Variants in MRE11 observed in about 807,000 individuals in gnomAD.
MRE11 encodes double-strand break repair protein MRE11.
MRE11 carries 62 observed loss-of-function variants against 91.7 expected under a neutral mutation model. That is an observed-to-expected ratio of 0.68 (90% CI 0.55 to 0.84). MRE11 has a LOEUF of 0.84. MRE11 is among the 40% of genes least tolerant of loss of function. MRE11 has a pLI of 0.00. For synonymous variants in MRE11, 273 were observed against 271.4 expected, an observed-to-expected ratio of 1.01 and a Z score of -0.06; for missense variants, 796 against 852.9, an observed-to-expected ratio of 0.93 and a Z score of 0.83.
chr11:94,466,449 G>T (rs1244548306), intron 10 of MRE11: 1 of 527,804 alleles, frequency 1.9e-6, no homozygotes. Flanking sequence ...ATTACCTACT[G>T]TGCAACAGAC....
rs1945053532 is a variant in MRE11, at chr11:94,417,317, AT to A, written c.*2807del. The A allele has an allele frequency of 4.6e-6, 1 of 216,624 alleles. No individual in the cohort carries two copies. Among genetic ancestry groups the A allele is most frequent in the Admixed American group, 5.8e-5 (1 of 17,164 alleles). 13.4% of individuals were successfully genotyped at this position (216,624 alleles called of 1,614,324 possible). A position where few individuals can be genotyped will look rare whatever the true frequency, so the allele number is the denominator to read the frequency against. On this transcript the variant is annotated 3_prime_UTR_variant, in exon 20 of 20. Transcript: ENST00000323929. The stretch of plus-strand genomic sequence containing the variant: ...TTACTCAGTTTTTTTCTAAGAATGG[AT>A]TTTCCTCTTTATGAAAACAAAATAT...
chr11:94,423,596 C>G (rs1945231523), intron 19 of MRE11, among the ~76,000 whole-genome samples: 1 of 152,238 alleles, frequency 6.6e-6, no homozygotes, highest in African/African-American at 2.4e-5. Flanking sequence ...AGGCCCTCCT[C>G]CCCTACAGCC....
At chr11:94,447,174 C>T (rs746383749) in intron 15 of MRE11, 45 bp downstream of exon 15, 1 of 1,566,864 alleles carries the variant, frequency 6.4e-7, no homozygotes, top group South Asian at 1.1e-5. Context: ...ATTTTCCACT[C>T]AACTGCCAAG....
chr11:94,498,205 G>A (rs2135162905), upstream of MRE11: 3 of 1,614,128 alleles, frequency 1.9e-6, no homozygotes, highest in Non-Finnish European at 2.5e-6. Context: ...TTGCACAGGG[G>A]GCCGATGTTC....
chr11:94,433,387 CCT>C (rs1157892233), intron 18 of MRE11, among the ~76,000 whole-genome samples: 3 of 152,140 alleles, frequency 2.0e-5, no homozygotes, highest in Non-Finnish European at 4.4e-5. Flanking sequence ...CATGATTTAC[CCT>C]GTGTCTCTTT....
Position 94,490,845 on chromosome 11 carries a change from G to A in MRE11, c.141C>T (p.Ala47=), listed in dbSNP as rs786203586. 3 of 1,613,544 alleles carry A rather than the reference G, an allele frequency of 1.9e-6. No homozygotes were observed. The highest frequency in any genetic ancestry group is 2.2e-5 in the East Asian group (1 of 44,790). Residue 47 remains alanine (A), a synonymous_variant, in exon 3 of 20, where the codon GCC becomes GCT. Transcript: ENST00000323929. The part of the protein sequence containing the change: ...FVTLDEILRL[A]QENEVDFILL... ...AAACCACACTCACTTCATTTTCCTG[G>A]GCAAGTCTTAAAATTTCATCGAGTG... is the stretch of plus-strand genomic sequence containing the variant.
chr11:94,479,171 A>G (rs1196372240), intron 5 of MRE11, among the ~76,000 whole-genome samples: 1 of 152,248 alleles, frequency 6.6e-6, no homozygotes, highest in Non-Finnish European at 1.5e-5. Flanking sequence ...GCTTTGTAAT[A>G]TTAAGCAACC....
At chr11:94,507,321 T>A in the MRE11 span, among the ~76,000 whole-genome samples, 2 of 152,248 alleles carry the variant, frequency 1.3e-5, no homozygotes, top group Admixed American at 6.5e-5. Flanking sequence ...TTTTTATTGA[T>A]GTATTCCGTT....
At chr11:94,505,750 A>T in the MRE11 span, among the ~76,000 whole-genome samples, 1 of 152,126 alleles carries the variant, frequency 6.6e-6, no homozygotes, top group Admixed American at 6.5e-5. Flanking sequence ...CCACTCACTC[A>T]CTGACTCACT....
At chr11:94,456,154 A>T (rs1222143261) in intron 14 of MRE11, 122 bp downstream of exon 14, 59 of 856,504 alleles carry the variant, frequency 6.9e-5, no homozygotes, top group Non-Finnish European at 1.9e-6. Context: ...AGCCATCCTA[A>T]GCCAACCCCA....
rs587782486 is a variant in MRE11 at position 94,485,991 on chromosome 11, A to G, written c.247T>C (p.Cys83Arg). Residue 83 changes from cysteine (C) to arginine (R), a missense_variant, in exon 4 of 20, where the codon TGT becomes CGT. By Grantham distance (180) the Cys-to-Arg change is radical. Coordinates refer to ENST00000323929, the MANE Select transcript of MRE11 (RefSeq NM_005591.4). ...HTCLELLRKYCMGDRPVQFEI... is the reference protein window; with the variant it reads ...HTCLELLRKYRMGDRPVQFEI... ...AACTGGACAGGCCGATCACCCATAC[A>G]ATATTTTCTTAATAACTCGAGGCAG... 1.2e-6 allele frequency: 2 copies of G among 1,613,924 alleles called. No individual in the cohort carries two copies. Among genetic ancestry groups the G allele is most frequent in the Non-Finnish European group, 8.5e-7 (1 of 1,179,960 alleles).
chr11:94,475,539 C>A, intron 7 of MRE11: 1 of 452,678 alleles, frequency 2.2e-6, no homozygotes, highest in Non-Finnish European at 4.4e-6. Context: ...ATCACTGTCA[C>A]CACCTCACAT....
rs758803920 is a variant in MRE11, at chr11:94,419,696, T to C, written c.*429A>G. The C allele has an allele frequency of 2.8e-4, 66 of 237,400 alleles. No homozygotes were observed. The highest frequency in any genetic ancestry group is 4.5e-4 in the Non-Finnish European group (54 of 120,970). 14.7% of individuals were successfully genotyped at this position (237,400 alleles called of 1,614,324 possible). Reference sequence around the variant, plus strand: ...TTATAAGAAGCATTGGAAAAAAACATACATAGTAACAAACAGTGAATTTAG... The same window carrying C: ...TTATAAGAAGCATTGGAAAAAAACACACATAGTAACAAACAGTGAATTTAG... On this transcript the variant is annotated 3_prime_UTR_variant, in exon 20 of 20. Coordinates refer to ENST00000323929, the MANE Select transcript of MRE11 (RefSeq NM_005591.4).
chr11:94,496,738 G>C (rs143188271), upstream of MRE11: 5 of 1,610,556 alleles, frequency 3.1e-6, no homozygotes, highest in African/African-American at 5.4e-5. Flanking sequence ...CAGACCAAGA[G>C]AATTCCTTGG....
At position 94,464,094 on chromosome 11, in the gene MRE11, A is replaced by G. The variant is rs641936; in HGVS notation, c.1225+19T>C. 568,491 of 1,608,042 alleles carry G rather than the reference A, an allele frequency of 0.35. 102,067 individuals are homozygous for G. The highest frequency in any genetic ancestry group is 0.44 in the Middle Eastern group (2,158 of 4,904). On this transcript the variant is annotated intron_variant, in intron 11 of 19. Transcript: ENST00000323929. ...TCCTATAAGAACATTTTTTTACCTC[A>G]TAAAAATAACTAGCTTACCTGTTTT...
chr11:94,430,757 C>T (rs1378224832), intron 18 of MRE11, among the ~76,000 whole-genome samples: 3 of 152,158 alleles, frequency 2.0e-5, no homozygotes, highest in East Asian at 1.9e-4. Context: ...CGTGAGCCAC[C>T]ACGCCCAGCC....
intron 14 of MRE11, among the ~76,000 whole-genome samples, chr11:94,451,595 A>T (rs1219118118): frequency 1.3e-5 from 2 of 152,174 alleles, no homozygotes; most frequent in Non-Finnish European, 2.9e-5. Flanking sequence ...TTATGGAAAG[A>T]CCAATATATC....
At chr11:94,448,423 A>C (rs963294093) in intron 14 of MRE11, among the ~76,000 whole-genome samples, 1 of 140,986 alleles carries the variant, frequency 7.1e-6, no homozygotes, top group Non-Finnish European at 1.5e-5. Flanking sequence ...CCAAAAATAC[A>C]AAAAAAAAAC....
the MRE11 span, among the ~76,000 whole-genome samples, chr11:94,510,891 G>A: frequency 6.6e-6 from 1 of 152,112 alleles, no homozygotes; most frequent in African/African-American, 2.4e-5. Flanking sequence ...TCAAATCTTA[G>A]GCAGAATGTG....
Sources: allele counts gnomAD v4.1 joint callset (sites outside exome capture counted in the v4.1 genomes callset), GRCh38; gene constraint gnomAD v4.1.1; transcripts MANE v1.5; gene names NCBI Gene and HGNC (gene_info 2026-07-23, HGNC 2026-07-21).